Variants in CAST observed in about 807,000 individuals in gnomAD.
CAST encodes the protein MIR583 host.
In CAST, 76 loss-of-function variants were observed where a neutral mutation model predicts 119.6. The observed-to-expected ratio is 0.64, with a 90% CI of 0.53 to 0.77. The LOEUF (loss-of-function observed/expected upper bound fraction) is 0.77. Among genes scored for constraint, CAST ranks in the 30% least tolerant of loss-of-function variants. The pLI is 0.00. For missense variants in CAST, 953 were observed against 946.5 expected (o/e 1.01, Z -0.09); for synonymous variants, 319 against 331.6 (o/e 0.96, Z 0.41).
At chr5:96,106,292 C>G in the CAST span, among the ~76,000 whole-genome samples, 1 of 152,066 alleles carries the variant, frequency 6.6e-6, no homozygotes, top group Non-Finnish European at 1.5e-5. Context: ...TCTTGCTTTT[C>G]TAGTTCTTTT....
upstream of CAST, among the ~76,000 whole-genome samples, chr5:96,527,564 C>T (rs893314231): frequency 7.9e-5 from 12 of 152,288 alleles, no homozygotes; most frequent in Middle Eastern, 3.4e-3. Context: ...CCTCCCTCTA[C>T]AGCAGGCTCA....
At chr5:96,478,752 T>C in the CAST span, among the ~76,000 whole-genome samples, 1 of 152,358 alleles carries the variant, frequency 6.6e-6, no homozygotes, top group East Asian at 1.9e-4. Context: ...GCCCTGAGCA[T>C]GACAGGTGAC....
chr5:96,564,700 C>T (rs950534177), intron 1 of CAST, among the ~76,000 whole-genome samples: 8 of 152,228 alleles, frequency 5.3e-5, no homozygotes, highest in African/African-American at 1.9e-4. Flanking sequence ...AGGCAGATCA[C>T]TTGAGCTCAG....
At chr5:96,480,960 G>A in the CAST span, among the ~76,000 whole-genome samples, 2 of 152,274 alleles carry the variant, frequency 1.3e-5, no homozygotes, top group Middle Eastern at 3.4e-3. Context: ...GTTATGGAAG[G>A]GACAGGTTAT....
rs142190690 is a variant in CAST, at chr5:96,684,410, T to G, written c.138+8809T>G. On this transcript the variant is annotated intron_variant, in intron 2 of 31. Transcript: ENST00000675179. ...ATGGGATGGGGCAGGGCTCAAATTC[T>G]TTGGTTGATTATATATTGCAGCACC... is the stretch of plus-strand genomic sequence containing the variant. 4.6e-5 allele frequency among the ~76,000 whole-genome samples: 7 copies of G among 152,306 alleles called. No homozygotes were observed. In the East Asian group the frequency reaches 1.3e-3, roughly 29 times the overall value.
chr5:96,767,835 T>C, intron 28 of CAST, 72 bp from the exon 29 acceptor site: 1 of 834,486 alleles, frequency 1.2e-6, no homozygotes, highest in Admixed American at 2.1e-5. Flanking sequence ...TTGTAAGTGA[T>C]GTGGGAAAAG....
Position 96,639,819 on chromosome 5 carries a change from G to A in CAST, c.61-35720G>A, listed in dbSNP as rs541095923. On this transcript the variant is annotated intron_variant, in intron 1 of 11. Transcript: ENST00000505143. Reference sequence around the variant, plus strand: ...TTTTGTTTGAGTATGCACGGTTTGGGTAGTTCCCTCAACTTTGGATGGCAT... The same window carrying A: ...TTTTGTTTGAGTATGCACGGTTTGGATAGTTCCCTCAACTTTGGATGGCAT... Among the ~76,000 whole-genome samples, 5 of 152,264 alleles carry A rather than the reference G, an allele frequency of 3.3e-5. 1 individual carries two copies. Among genetic ancestry groups the A allele is most frequent in the African/African-American group, 1.2e-4 (5 of 41,554 alleles).
At chr5:96,149,795 G>A in the CAST span, among the ~76,000 whole-genome samples, 23 of 152,254 alleles carry the variant, frequency 1.5e-4, no homozygotes, top group African/African-American at 5.5e-4. Context: ...GTAAGCATTC[G>A]CTGTCTGAGC....
chr5:96,153,121 T>C, the CAST span, among the ~76,000 whole-genome samples: 1 of 152,200 alleles, frequency 6.6e-6, no homozygotes, highest in Non-Finnish European at 1.5e-5. Flanking sequence ...AGCCTTCAAA[T>C]TGATATTGTG....
chr5:96,368,270 C>T, the CAST span, among the ~76,000 whole-genome samples: 12 of 152,012 alleles, frequency 7.9e-5, no homozygotes, highest in Admixed American at 4.6e-4. Flanking sequence ...GTGGCCAATG[C>T]GGGTGGATCA....
the CAST span, among the ~76,000 whole-genome samples, chr5:95,969,088 C>A: frequency 6.6e-6 from 1 of 152,176 alleles, no homozygotes; most frequent in Non-Finnish European, 1.5e-5. Context: ...ATCTTATGAG[C>A]TATCATACGG....
chr5:96,309,493 TG>T, the CAST span, among the ~76,000 whole-genome samples: 26 of 152,226 alleles, frequency 1.7e-4, no homozygotes, highest in Non-Finnish European at 1.2e-4. Flanking sequence ...CAGATGCCAC[TG>T]GGGCATGAAT....
At chr5:96,744,799 C>T (rs536982873) in intron 16 of CAST, among the ~76,000 whole-genome samples, 19 of 152,284 alleles carry the variant, frequency 1.2e-4, no homozygotes, top group Non-Finnish European at 2.2e-4. Flanking sequence ...AGAGAGCTAT[C>T]TGTGGAAAAC....
intron 16 of CAST, chr5:96,743,460 C>A: frequency 2.4e-6 from 2 of 848,904 alleles, no homozygotes; most frequent in South Asian, 1.9e-5. Context: ...AGCCTGGGAT[C>A]CCCAGGAGCC....
At chr5:96,197,416 C>T in the CAST span, among the ~76,000 whole-genome samples, 1 of 152,072 alleles carries the variant, frequency 6.6e-6, no homozygotes, top group Admixed American at 6.5e-5. Context: ...TAGAGGAATA[C>T]AGAGATGAAT....
At chr5:96,084,823 C>G in the CAST span, among the ~76,000 whole-genome samples, 3 of 152,116 alleles carry the variant, frequency 2.0e-5, no homozygotes, top group African/African-American at 4.8e-5. Context: ...CAGGGTAAAC[C>G]TGAATGTACC....
chr5:96,456,650 A>T, the CAST span, among the ~76,000 whole-genome samples: 4 of 152,234 alleles, frequency 2.6e-5, no homozygotes, highest in African/African-American at 9.6e-5. Flanking sequence ...AGGCACTGGC[A>T]TAAAATTGTA....
At chr5:95,963,885 C>T in the CAST span, among the ~76,000 whole-genome samples, 1 of 152,126 alleles carries the variant, frequency 6.6e-6, no homozygotes, top group Admixed American at 6.5e-5. Context: ...ACATGATATC[C>T]TAACTTGGCC....
chr5:96,766,124 TCTC>T lies in CAST; in HGVS notation c.2112_2114del (p.Leu705del), dbSNP rs754975332. 3.1e-6 allele frequency: 5 copies of T among 1,606,600 alleles called. No individual in the cohort carries two copies. The Admixed American group carries it at 8.4e-5, about 27-fold the overall frequency. On this transcript the variant is annotated inframe_deletion, in exon 27 of 32. Transcript: ENST00000675179. ...ACACTATCCCACCTGAATACAGACA[TCTC>T]CTGGATGATAATGGACAGGTAAACT...
Sources: gnomAD v4.1 joint callset for allele counts (sites outside exome capture counted in the v4.1 genomes callset) on GRCh38, gnomAD v4.1.1 for gene constraint, MANE v1.5 for transcripts, NCBI Gene and HGNC (gene_info 2026-07-23, HGNC 2026-07-21) for gene names.